The following ERBB4 variants were observed in gnomAD, a reference collection of about 807,000 sequenced individuals.
ERBB4 encodes the protein erb-b2 receptor tyrosine kinase 4.
ERBB4 carries 42 observed loss-of-function variants against 158.0 expected under a neutral mutation model. That is an observed-to-expected ratio of 0.27 (90% CI 0.21 to 0.34). ERBB4 has a LOEUF of 0.34. Ranked by LOEUF, ERBB4 falls within the 10% of genes least tolerant of loss-of-function variation. The pLI, the probability that ERBB4 is intolerant of heterozygous loss-of-function variation, is 1.00. For missense variants in ERBB4, 1,333 were observed against 1,624.1 expected, an observed-to-expected ratio of 0.82 and a Z score of 3.08; for synonymous variants, 583 against 558.7, an observed-to-expected ratio of 1.04 and a Z score of -0.61.
At chr2:212,140,899 A>T (rs2080443478) in intron 1 of ERBB4, among the ~76,000 whole-genome samples, 1 of 145,562 alleles carries the variant, frequency 6.9e-6, no homozygotes, top group South Asian at 2.2e-4. Context: ...AGAGGGGAGT[A>T]TTTAAGTTAA....
intron 1 of ERBB4, among the ~76,000 whole-genome samples, chr2:212,337,554 T>A (rs568211784): frequency 6.6e-6 from 1 of 152,098 alleles, no homozygotes; most frequent in African/African-American, 2.4e-5. Flanking sequence ...TGAATAAGAA[T>A]CACCAGGGGG....
At chr2:211,788,625 T>G (rs2076219822) in intron 3 of ERBB4, among the ~76,000 whole-genome samples, 1 of 152,164 alleles carries the variant, frequency 6.6e-6, no homozygotes, top group Non-Finnish European at 1.5e-5. Context: ...TAATTTAACT[T>G]ATTTATCTCT....
intron 16 of ERBB4, among the ~76,000 whole-genome samples, chr2:211,650,062 A>T (rs2070927383): frequency 6.6e-6 from 1 of 152,022 alleles, no homozygotes; most frequent in African/African-American, 2.4e-5. Context: ...TCTACACATC[A>T]TTTTATGTAA....
chr2:211,502,002 A>C (rs1288567956), intron 20 of ERBB4, among the ~76,000 whole-genome samples: 1 of 152,092 alleles, frequency 6.6e-6, no homozygotes. Context: ...AACTCTTCTT[A>C]GTATCGATAA....
chr2:211,575,611 G>C (rs1304052826), intron 19 of ERBB4, among the ~76,000 whole-genome samples: 1 of 152,038 alleles, frequency 6.6e-6, no homozygotes, highest in East Asian at 1.9e-4. Flanking sequence ...TTGTTTAAAG[G>C]GAGATATCTA....
chr2:211,752,877 G>C (rs756508346), intron 4 of ERBB4, among the ~76,000 whole-genome samples: 3 of 152,022 alleles, frequency 2.0e-5, no homozygotes, highest in Non-Finnish European at 2.9e-5. Context: ...GATTTTGTTG[G>C]TAGTTTCCAT....
intron 20 of ERBB4, among the ~76,000 whole-genome samples, chr2:211,471,559 A>G (rs1186603943): frequency 6.6e-6 from 1 of 152,162 alleles, no homozygotes; most frequent in African/African-American, 2.4e-5. Context: ...AAATATAGAT[A>G]TTGTATCAAT....
At chr2:212,028,960 G>C (rs2076838076) in intron 2 of ERBB4, among the ~76,000 whole-genome samples, 1 of 152,052 alleles carries the variant, frequency 6.6e-6, no homozygotes, top group Non-Finnish European at 1.5e-5. Context: ...TTGAGGACTA[G>C]CTAAAACAGG....
At chr2:212,318,511 C>T (rs1322141633) in intron 1 of ERBB4, among the ~76,000 whole-genome samples, 1 of 143,964 alleles carries the variant, frequency 6.9e-6, no homozygotes, top group Non-Finnish European at 1.5e-5. Flanking sequence ...GGGTTAGTCT[C>T]TATAGAAAGA....
chr2:212,442,334 T>C (rs892275987), intron 1 of ERBB4, among the ~76,000 whole-genome samples: 1 of 152,160 alleles, frequency 6.6e-6, no homozygotes, highest in Non-Finnish European at 1.5e-5. Context: ...ACCCCTTGAA[T>C]GAAGGGGAGG....
intron 1 of ERBB4, among the ~76,000 whole-genome samples, chr2:212,274,687 T>A (rs889988162): frequency 6.6e-6 from 1 of 151,828 alleles, no homozygotes; most frequent in Non-Finnish European, 1.5e-5. Context: ...CTTCTTATAA[T>A]AGGTTTGTGT....
chr2:211,764,932 T>C (rs542330418), intron 4 of ERBB4, among the ~76,000 whole-genome samples: 1 of 152,244 alleles, frequency 6.6e-6, no homozygotes, highest in South Asian at 2.1e-4. Flanking sequence ...CAAAATCACT[T>C]AGGGAATGAC....
In ERBB4 at chr2:211,485,234, C is replaced by T. The variant is rs150599188; in HGVS notation, c.2488-54134G>A. On this transcript the variant is annotated intron_variant, in intron 20 of 27. Coordinates refer to ENST00000342788, the MANE Select transcript of ERBB4 (RefSeq NM_005235.3). ...AATCTTGATTGACTTTGTGAAATAG[C>T]CCAGAATCTACCTTTGCTTCAGGAT... is the stretch of plus-strand genomic sequence containing the variant. Among the ~76,000 whole-genome samples the T allele has an allele frequency of 2.5e-3, 384 of 152,174 alleles. 1 individual carries two copies. Among genetic ancestry groups the T allele is most frequent in the African/African-American group, 7.6e-3 (315 of 41,532 alleles).
At chr2:211,463,427 T>C (rs1396656282) in intron 20 of ERBB4, among the ~76,000 whole-genome samples, 1 of 152,206 alleles carries the variant, frequency 6.6e-6, no homozygotes, top group African/African-American at 2.4e-5. Context: ...TTGAAGGTGC[T>C]AGATCAGCGT....
chr2:212,092,907 A>T (rs909095165), intron 2 of ERBB4, among the ~76,000 whole-genome samples: 2 of 152,142 alleles, frequency 1.3e-5, no homozygotes, highest in Non-Finnish European at 2.9e-5. Context: ...GTGTATACCA[A>T]TGTAACAAAC....
At chr2:211,774,731 T>C (rs1003936049) in intron 4 of ERBB4, among the ~76,000 whole-genome samples, 51 of 152,314 alleles carry the variant, frequency 3.3e-4, no homozygotes, top group African/African-American at 1.2e-3. Context: ...TTACTTTTTG[T>C]AATCTTTCCT....
intron 3 of ERBB4, among the ~76,000 whole-genome samples, chr2:211,915,640 A>C (rs2079668855): frequency 6.6e-6 from 1 of 152,008 alleles, no homozygotes. Flanking sequence ...ATGACAAAAA[A>C]ACAAGGAGTC....
At chr2:211,650,807 C>T (rs75333614) in intron 16 of ERBB4, among the ~76,000 whole-genome samples, 4,167 of 152,216 alleles carry the variant, frequency 0.027, 102 homozygotes, top group South Asian at 0.092. Context: ...AACATTTCAA[C>T]GTGTCACTGA....
At chr2:212,002,474 A>T (rs561589300) in intron 2 of ERBB4, among the ~76,000 whole-genome samples, 10 of 152,334 alleles carry the variant, frequency 6.6e-5, no homozygotes, top group Non-Finnish European at 1.2e-4. Context: ...AGAGGACAAC[A>T]GGCAAGCTTG....
Sources: allele counts gnomAD v4.1 joint callset (sites outside exome capture counted in the v4.1 genomes callset), GRCh38; gene constraint gnomAD v4.1.1; transcripts MANE v1.5; gene names NCBI Gene and HGNC (gene_info 2026-07-23, HGNC 2026-07-21).